NCOA7: variants seen among roughly 807,000 people sequenced by gnomAD.
NCOA7 encodes the protein nuclear receptor coactivator 7.
A neutral mutation model predicts 104.3 loss-of-function variants in NCOA7; 45 were observed. The ratio of observed to expected loss-of-function variants is 0.43; its 90% CI spans 0.34 to 0.55. The LOEUF (loss-of-function observed/expected upper bound fraction) is 0.55, where lower values mean the gene tolerates loss of function less well. Among genes scored for constraint, NCOA7 ranks in the 20% least tolerant of loss-of-function variants. The pLI is 0.02. For synonymous variants in NCOA7, 398 were observed against 402.3 expected (o/e 0.99, Z 0.13); for missense variants, 1,041 against 1,119.7 (o/e 0.93, Z 1.00).
chr6:125,891,923 G>A (rs1784651695), intron 10 of NCOA7, among the ~76,000 whole-genome samples: 1 of 152,092 alleles, frequency 6.6e-6, no homozygotes, highest in Non-Finnish European at 1.5e-5. Flanking sequence ...TGGAAATTTA[G>A]GGATATTGAG....
At chr6:125,861,406 A>G (rs1782038432) in intron 3 of NCOA7, among the ~76,000 whole-genome samples, 1 of 152,190 alleles carries the variant, frequency 6.6e-6, no homozygotes, top group African/African-American at 2.4e-5. Flanking sequence ...TCTAAACATA[A>G]ACAGGTCAAG....
At chr6:125,798,454 G>T (rs892630598) in intron 1 of NCOA7, among the ~76,000 whole-genome samples, 1 of 152,212 alleles carries the variant, frequency 6.6e-6, no homozygotes, top group South Asian at 2.1e-4. Flanking sequence ...CTGGCACAGA[G>T]TAAGCAACTA....
chr6:125,858,669 T>G lies in NCOA7; in HGVS notation c.271+3429T>G, dbSNP rs554716075. ...AGAAATGCCATTAAAGCTTACCATCTCTCAAGAATAACAATGATAGCAACC... is the reference window on the plus strand; with the variant it reads ...AGAAATGCCATTAAAGCTTACCATCGCTCAAGAATAACAATGATAGCAACC... On this transcript the variant is annotated intron_variant, in intron 3 of 15. Transcript: ENST00000392477. Among the ~76,000 whole-genome samples, 10 of 151,744 alleles carry G rather than the reference T, an allele frequency of 6.6e-5. No individual in the cohort carries two copies. The South Asian group carries it at 2.1e-3, about 32-fold the overall frequency.
chr6:125,866,919 G>T (rs1025356291), intron 3 of NCOA7, among the ~76,000 whole-genome samples: 1 of 152,010 alleles, frequency 6.6e-6, no homozygotes. Context: ...TTTCAATTTG[G>T]AAACTGTTCC....
upstream of NCOA7, among the ~76,000 whole-genome samples, chr6:125,790,526 AGCAGCCGCGG>A (rs1774728008): frequency 6.6e-6 from 1 of 152,112 alleles, no homozygotes; most frequent in Non-Finnish European, 1.5e-5. Flanking sequence ...CGGAGGCTGC[AGCAGCCGCGG>A]GTAGCCGGGG....
At chr6:125,841,094 T>C (rs1374156356) in intron 2 of NCOA7, among the ~76,000 whole-genome samples, 4 of 151,634 alleles carry the variant, frequency 2.6e-5, no homozygotes, top group Non-Finnish European at 5.9e-5. Flanking sequence ...GATTTCACTT[T>C]GTTGGCCAGG....
upstream of NCOA7, among the ~76,000 whole-genome samples, chr6:125,788,068 C>T (rs914738246): frequency 6.6e-6 from 1 of 152,200 alleles, no homozygotes; most frequent in African/African-American, 2.4e-5. Context: ...ACACTTTCTA[C>T]TGAGGTTTGA....
chr6:125,844,876 A>C (rs981645275), intron 2 of NCOA7, among the ~76,000 whole-genome samples: 1 of 152,348 alleles, frequency 6.6e-6, no homozygotes, highest in African/African-American at 2.4e-5. Flanking sequence ...ACAACAAATT[A>C]GTAACTTTTG....
At chr6:125,792,084 T>C (rs1179401293) in intron 1 of NCOA7, among the ~76,000 whole-genome samples, 2 of 152,240 alleles carry the variant, frequency 1.3e-5, no homozygotes, top group African/African-American at 4.8e-5. Flanking sequence ...TTTTAAATCC[T>C]GTAATCTTCT....
intron 13 of NCOA7, among the ~76,000 whole-genome samples, chr6:125,923,800 C>T (rs1450366069): frequency 2.0e-5 from 3 of 152,138 alleles, no homozygotes; most frequent in South Asian, 2.1e-4. Context: ...GACATGTCCA[C>T]GTTGTAATGA....
intron 10 of NCOA7, among the ~76,000 whole-genome samples, chr6:125,893,481 A>C (rs1014325882): frequency 6.6e-6 from 1 of 152,086 alleles, no homozygotes; most frequent in African/African-American, 2.4e-5. Flanking sequence ...TATTATTACT[A>C]CTAAAAAGTT....
At chr6:125,876,855 C>T (rs1193976376) in intron 4 of NCOA7, among the ~76,000 whole-genome samples, 2 of 152,012 alleles carry the variant, frequency 1.3e-5, no homozygotes, top group Non-Finnish European at 2.9e-5. Flanking sequence ...TAGTTTCAGT[C>T]ATTTGATGAT....
intron 2 of NCOA7, among the ~76,000 whole-genome samples, chr6:125,820,736 A>G (rs1379914356): frequency 6.6e-6 from 1 of 152,136 alleles, no homozygotes; most frequent in Non-Finnish European, 1.5e-5. Flanking sequence ...TTGACCTCCC[A>G]CTTTCAGCCC....
intron 10 of NCOA7, among the ~76,000 whole-genome samples, chr6:125,906,953 A>G (rs144882929): frequency 2.0e-3 from 305 of 152,350 alleles, no homozygotes; most frequent in African/African-American, 6.5e-3. Flanking sequence ...TAACCTAAAC[A>G]AAAGATAGAG....
chr6:125,899,465 A>G (rs1785307887), intron 10 of NCOA7, among the ~76,000 whole-genome samples: 1 of 152,188 alleles, frequency 6.6e-6, no homozygotes, highest in South Asian at 2.1e-4. Flanking sequence ...CAGCCATACC[A>G]GGTATATATC....
At chr6:125,914,638 T>G (rs531511298) in intron 10 of NCOA7, among the ~76,000 whole-genome samples, 18 of 152,330 alleles carry the variant, frequency 1.2e-4, no homozygotes, top group African/African-American at 4.1e-4. Flanking sequence ...TTGTGATGGT[T>G]ATAGTATGAA....
At chr6:125,893,333 G>C (rs566192552) in intron 10 of NCOA7, among the ~76,000 whole-genome samples, 2 of 152,186 alleles carry the variant, frequency 1.3e-5, no homozygotes, top group East Asian at 1.9e-4. Context: ...AAGTCTCTTT[G>C]ACTTATCCAC....
chr6:125,913,729 T>C (rs901289334), intron 10 of NCOA7: 1 of 870,086 alleles, frequency 1.1e-6, no homozygotes, highest in African/African-American at 1.8e-5. Flanking sequence ...ACATGATTAA[T>C]ATAAAAAGGG....
At chr6:125,856,375 CAG>C (rs1172092274) in intron 3 of NCOA7, among the ~76,000 whole-genome samples, 2 of 151,608 alleles carry the variant, frequency 1.3e-5, no homozygotes, top group African/African-American at 2.4e-5. Flanking sequence ...TTTTTTGAGA[CAG>C]AGTCTCGCTC....
Sources: gnomAD v4.1 joint callset for allele counts (sites outside exome capture counted in the v4.1 genomes callset) on GRCh38, gnomAD v4.1.1 for gene constraint, MANE v1.5 for transcripts, NCBI Gene and HGNC (gene_info 2026-07-23, HGNC 2026-07-21) for gene names.